Variants in PRKN observed in about 807,000 individuals in gnomAD.
The protein encoded by PRKN is parkin RBR E3 ubiquitin protein ligase.
Under a neutral mutation model 59.5 loss-of-function variants are expected in PRKN, and 56 were observed. That is an observed-to-expected ratio of 0.94 (90% confidence interval 0.76 to 1.18). PRKN has a LOEUF of 1.18. Among genes scored for constraint, PRKN ranks in the 50% most tolerant of loss-of-function variants. The pLI, the probability that PRKN is intolerant of heterozygous loss-of-function variation, is 0.00. For synonymous variants in PRKN, 250 were observed against 222.1 expected (o/e 1.13, Z -1.12); for missense variants, 657 against 596.4 (o/e 1.10, Z -1.06).
intron 5 of PRKN, among the ~76,000 whole-genome samples, chr6:161,993,970 A>G (rs927749867): frequency 2.0e-5 from 3 of 152,194 alleles, no homozygotes. Flanking sequence ...GCATTAATCT[A>G]TTCATGAGGA....
intron 6 of PRKN, among the ~76,000 whole-genome samples, chr6:161,803,609 G>A (rs767264386): frequency 3.9e-5 from 6 of 152,204 alleles, no homozygotes; most frequent in Non-Finnish European, 5.9e-5. Flanking sequence ...GGGTGGAGCC[G>A]AGAGGTGTGA....
At chr6:162,245,168 A>G (rs1779147260) in intron 3 of PRKN, among the ~76,000 whole-genome samples, 2 of 152,064 alleles carry the variant, frequency 1.3e-5, no homozygotes, top group African/African-American at 4.8e-5. Flanking sequence ...TACTCTTTCA[A>G]TGCGATGTAG....
At chr6:161,788,907 G>T (rs1246733630) in intron 6 of PRKN, among the ~76,000 whole-genome samples, 1 of 152,148 alleles carries the variant, frequency 6.6e-6, no homozygotes, top group African/African-American at 2.4e-5. Context: ...ATAGATAAAT[G>T]ATAGATACAG....
chr6:162,557,563 G>T (rs985089148), intron 1 of PRKN, among the ~76,000 whole-genome samples: 1 of 152,104 alleles, frequency 6.6e-6, no homozygotes, highest in African/African-American at 2.4e-5. Context: ...TCCCAGGCTG[G>T]AATGCAGTGG....
rs1449419495 is a variant in PRKN, at chr6:161,764,191, C to T, written c.871+21581G>A. Among the ~76,000 whole-genome samples, 7 of 152,294 alleles carry T rather than the reference C, an allele frequency of 4.6e-5. No individual in the cohort carries two copies. The Middle Eastern group carries it at 0.01, about 222-fold the overall frequency. On this transcript the variant is annotated intron_variant, in intron 7 of 11. Transcript: ENST00000366898. Reference sequence around the variant, plus strand: ...TTCCCCTGTCCTGCCTCACTTCCTCCGTTTCTTCCATCTCTTATCTAATCT... The same window carrying T: ...TTCCCCTGTCCTGCCTCACTTCCTCTGTTTCTTCCATCTCTTATCTAATCT...
chr6:162,036,954 C>A (rs985607374), intron 5 of PRKN, among the ~76,000 whole-genome samples: 1 of 152,046 alleles, frequency 6.6e-6, no homozygotes, highest in Admixed American at 6.5e-5. Context: ...GGCAATTTTA[C>A]ATGAGATGTC....
chr6:162,367,908 C>T (rs960693051), intron 2 of PRKN, among the ~76,000 whole-genome samples: 2 of 152,094 alleles, frequency 1.3e-5, no homozygotes, highest in African/African-American at 4.8e-5. Context: ...ATGCCAGGAC[C>T]CCTGAGGATG....
chr6:161,979,167 T>G (rs556685543), intron 5 of PRKN, among the ~76,000 whole-genome samples: 2 of 151,924 alleles, frequency 1.3e-5, no homozygotes, highest in South Asian at 2.1e-4. Context: ...TTTGTTTTTG[T>G]TTTTCCAAAT....
rs192522227 is a variant in PRKN, at chr6:161,892,324, G to C, written c.734+80978C>G. Among the ~76,000 whole-genome samples the C allele has an allele frequency of 7.3e-5, 11 of 151,432 alleles. No individual in the cohort carries two copies. The East Asian group carries it at 1.9e-3, about 27-fold the overall frequency. On this transcript the variant is annotated intron_variant, in intron 6 of 11. Coordinates refer to ENST00000366898, the MANE Select transcript of PRKN (RefSeq NM_004562.3). ...TTCACACCTGGTATCCCAGCACTTA[G>C]AGAGACCAAAGCAAGAGGATCGCTT... is the stretch of plus-strand genomic sequence containing the variant.
intron 3 of PRKN, among the ~76,000 whole-genome samples, chr6:162,247,810 C>T (rs996681761): frequency 6.6e-6 from 1 of 152,042 alleles, no homozygotes; most frequent in African/African-American, 2.4e-5. Flanking sequence ...GTGAATGAAC[C>T]AAGATTCCCT....
rs1372325911 is a variant in PRKN at position 161,552,053 on chromosome 6, C to G, written c.934-3050G>C. ...TATGAGTGATGAAGGAAGGGGAGGGCGGAGGAAGTCGGTATCACTGCTGGG... is the reference window on the plus strand; with the variant it reads ...TATGAGTGATGAAGGAAGGGGAGGGGGGAGGAAGTCGGTATCACTGCTGGG... On this transcript the variant is annotated intron_variant, in intron 8 of 11. Transcript: ENST00000366898. This position sits in a 1 kb window ranked among gnomAD's most constrained non-coding sequence, Gnocchi z 4.9. 6.6e-6 allele frequency among the ~76,000 whole-genome samples: 1 copy of G among 151,958 alleles called. No homozygotes were observed.
At chr6:161,489,623 T>C (rs1398760851) in intron 9 of PRKN, among the ~76,000 whole-genome samples, 5 of 149,206 alleles carry the variant, frequency 3.4e-5, no homozygotes, top group Admixed American at 3.3e-4. Flanking sequence ...ATGTATGTAA[T>C]AATTTTTTTT....
chr6:161,465,995 T>C (rs543613340), intron 9 of PRKN, among the ~76,000 whole-genome samples: 6 of 152,350 alleles, frequency 3.9e-5, no homozygotes, highest in African/African-American at 1.4e-4. Flanking sequence ...TGACTTGATA[T>C]CTGTATACAC....
At chr6:162,469,358 G>T (rs1329881746) in intron 1 of PRKN, among the ~76,000 whole-genome samples, 2 of 125,412 alleles carry the variant, frequency 1.6e-5, no homozygotes, top group Non-Finnish European at 1.7e-5. Flanking sequence ...GCAGGGGGGG[G>T]TGGGTGACAG....
intron 6 of PRKN, among the ~76,000 whole-genome samples, chr6:161,806,366 T>A (rs183172041): frequency 6.6e-6 from 1 of 152,202 alleles, no homozygotes; most frequent in African/African-American, 2.4e-5. Context: ...CAGCGCATGA[T>A]GTTTGGACTC....
Position 161,810,057 on chromosome 6 carries a change from C to T in PRKN, c.735-24149G>A, listed in dbSNP as rs550778920. Among the ~76,000 whole-genome samples, 3 of 152,278 alleles carry T rather than the reference C, an allele frequency of 2.0e-5. No homozygotes were observed. The South Asian group carries it at 6.2e-4, about 32-fold the overall frequency. ...CCCCTTAAAATTCGTGCATTGAAGT[C>T]CTAACCCCTAGTGCCTCAGAATGTG... is the stretch of plus-strand genomic sequence containing the variant. On this transcript the variant is annotated intron_variant, in intron 6 of 11. Transcript: ENST00000366898.
intron 7 of PRKN, among the ~76,000 whole-genome samples, chr6:161,754,687 TCACCACTTCCGTGCA>T (rs1399337003): frequency 6.6e-6 from 1 of 152,160 alleles, no homozygotes. Context: ...CCTTAGGGTC[TCACCACTTCCGTGCA>T]AAGATGACAA....
rs370717996 is a variant in PRKN at position 161,417,096 on chromosome 6, A to G, written c.1084-30219T>C. 6.6e-6 allele frequency among the ~76,000 whole-genome samples: 1 copy of G among 152,190 alleles called. No individual in the cohort carries two copies. The highest frequency in any genetic ancestry group is 1.5e-5 in the Non-Finnish European group (1 of 68,026). ...AAGCTCCAGACCTGGGCCAAGAGCAAGAAGAGAGCTTGCTTGTGGGTCCAG... is the reference window on the plus strand; with the variant it reads ...AAGCTCCAGACCTGGGCCAAGAGCAGGAAGAGAGCTTGCTTGTGGGTCCAG... On this transcript the variant is annotated intron_variant, in intron 9 of 11. Coordinates refer to ENST00000366898, the MANE Select transcript of PRKN (RefSeq NM_004562.3). The surrounding 1 kb of genome is among the most constrained non-coding windows in gnomAD (Gnocchi z 5.4).
intron 4 of PRKN, among the ~76,000 whole-genome samples, chr6:162,170,506 T>C (rs1200206785): frequency 6.6e-6 from 1 of 152,176 alleles, no homozygotes; most frequent in African/African-American, 2.4e-5. Flanking sequence ...AGTATAACAT[T>C]AACAATTTAG....
Sources: allele counts gnomAD v4.1 joint callset (sites outside exome capture counted in the v4.1 genomes callset), GRCh38; gene constraint gnomAD v4.1.1; non-coding constraint Gnocchi (gnomAD v3.1); transcripts MANE v1.5; gene names NCBI Gene and HGNC (gene_info 2026-07-23, HGNC 2026-07-21).